The following FGGY variants were observed in gnomAD, a reference collection of about 807,000 sequenced individuals.
FGGY encodes FGGY carbohydrate kinase domain containing, also known as FGGY carbohydrate kinase domain-containing protein.
Under a neutral mutation model 71.3 loss-of-function variants are expected in FGGY, and 72 were observed. The observed-to-expected ratio is 1.01, with a 90% confidence interval of 0.84 to 1.23. The LOEUF is 1.23. Among genes scored for constraint, FGGY ranks in the 50% most tolerant of loss-of-function variants. The pLI is 0.00. For missense variants in FGGY, 668 were observed against 682.3 expected (o/e 0.98, Z 0.23); for synonymous variants, 251 against 250.3 (o/e 1.00, Z -0.02).
At chr1:59,676,491 C>G (rs528845894) in intron 14 of FGGY, among the ~76,000 whole-genome samples, 3 of 151,348 alleles carry the variant, frequency 2.0e-5, no homozygotes, top group African/African-American at 7.3e-5. Context: ...GGCTGCTATA[C>G]TAGATACATC....
chr1:59,669,540 C>CTTTTTTTTTTTT (rs58004594), intron 13 of FGGY, among the ~76,000 whole-genome samples: 248 of 102,436 alleles, frequency 2.4e-3, no homozygotes, highest in East Asian at 3.9e-3. Flanking sequence ...TTCTAGACTT[C>CTTTTTTTTTTTT]TTTTTTTTTT....
chr1:59,610,772 G>T (rs146409141), intron 9 of FGGY, among the ~76,000 whole-genome samples: 170 of 152,366 alleles, frequency 1.1e-3, no homozygotes, highest in African/African-American at 3.8e-3. Context: ...GCCAAGGAAA[G>T]CCATGACAGA....
At chr1:59,751,812 G>A (rs1359219894) in intron 14 of FGGY, among the ~76,000 whole-genome samples, 1 of 152,206 alleles carries the variant, frequency 6.6e-6, no homozygotes, top group Non-Finnish European at 1.5e-5. Context: ...TCTGAATGGT[G>A]AACTGGTGAT....
At chr1:59,462,111 T>C (rs1217576066) in intron 6 of FGGY, among the ~76,000 whole-genome samples, 2 of 151,998 alleles carry the variant, frequency 1.3e-5, no homozygotes. Context: ...TTTACAGAGA[T>C]ATAGATCAAT....
intron 8 of FGGY, among the ~76,000 whole-genome samples, chr1:59,604,622 A>C (rs185467617): frequency 6.6e-6 from 1 of 152,340 alleles, no homozygotes; most frequent in Non-Finnish European, 1.5e-5. Context: ...AGGGAGGTGA[A>C]GTGTATCCTT....
chr1:59,489,644 A>G (rs975619849), intron 6 of FGGY, among the ~76,000 whole-genome samples: 1 of 152,276 alleles, frequency 6.6e-6, no homozygotes, highest in East Asian at 1.9e-4. Flanking sequence ...GCTGATTCAT[A>G]TCTTGGCTAT....
At chr1:59,403,741 C>T (rs980230176) in intron 5 of FGGY, among the ~76,000 whole-genome samples, 2 of 152,222 alleles carry the variant, frequency 1.3e-5, no homozygotes, top group African/African-American at 2.4e-5. Flanking sequence ...AAAGTCCTCA[C>T]GTGCTTTACT....
chr1:59,697,577 G>C (rs1416409843), intron 14 of FGGY: 1 of 815,310 alleles, frequency 1.2e-6, no homozygotes, highest in Non-Finnish European at 1.8e-6. Context: ...TGTTCTCTGT[G>C]ATCTGCTGAT....
rs2095621884 is a variant in FGGY at position 59,552,419 on chromosome 1, G to A, written c.800-1705G>A. ...GTTTGGAAGAGTCTTACTTCCCCCT[G>A]TTGCTAGACCTCTGAACAATAGCAG... On this transcript the variant is annotated intron_variant, in intron 7 of 15. Coordinates refer to ENST00000303721, the MANE Select transcript of FGGY (RefSeq NM_018291.5). Among the ~76,000 whole-genome samples the A allele has an allele frequency of 4.6e-5, 7 of 152,184 alleles. 1 individual carries two copies. In the South Asian group the frequency reaches 1.4e-3, roughly 32 times the overall value.
chr1:59,509,245 C>T (rs2094463187), intron 6 of FGGY, among the ~76,000 whole-genome samples: 1 of 152,300 alleles, frequency 6.6e-6, no homozygotes, highest in Non-Finnish European at 1.5e-5. Context: ...CATGGAATCC[C>T]TTCTGTCTGC....
chr1:59,473,277 T>G (rs2093075832), intron 6 of FGGY, among the ~76,000 whole-genome samples: 2 of 151,858 alleles, frequency 1.3e-5, no homozygotes, highest in South Asian at 2.1e-4. Context: ...ACGCGCCGGC[T>G]TAAGAGCTGT....
intron 14 of FGGY, among the ~76,000 whole-genome samples, chr1:59,730,891 A>G (rs2098018947): frequency 6.6e-6 from 1 of 152,214 alleles, no homozygotes; most frequent in African/African-American, 2.4e-5. Flanking sequence ...GACAACATGC[A>G]AAGTGATTTA....
chr1:59,682,984 C>G (rs544538377), intron 14 of FGGY, among the ~76,000 whole-genome samples: 1 of 152,110 alleles, frequency 6.6e-6, no homozygotes, highest in African/African-American at 2.4e-5. Flanking sequence ...CATCCTGGGG[C>G]CAACTCCTTT....
At position 59,359,434 on chromosome 1, in the gene FGGY, C is replaced by T. The variant is rs983933882; in HGVS notation, c.465+13036C>T. ...TCCCACCACTATGCAAACTCTGACC[C>T]AGGGCCTCTTTTGTTTGTATTCCAG... On this transcript the variant is annotated intron_variant, in intron 4 of 15. Coordinates refer to ENST00000303721, the MANE Select transcript of FGGY (RefSeq NM_018291.5). Among the ~76,000 whole-genome samples the T allele has an allele frequency of 7.9e-5, 12 of 152,164 alleles. No homozygotes were observed. The East Asian group carries it at 2.3e-3, about 29-fold the overall frequency.
intron 2 of FGGY, among the ~76,000 whole-genome samples, chr1:59,323,148 C>T (rs1295564506): frequency 6.6e-6 from 1 of 152,208 alleles, no homozygotes; most frequent in Admixed American, 6.5e-5. Context: ...TAAGAATCTT[C>T]TACTCTTTGC....
intron 11 of FGGY, among the ~76,000 whole-genome samples, chr1:59,654,305 A>G (rs535491526): frequency 6.6e-6 from 1 of 152,252 alleles, no homozygotes; most frequent in South Asian, 2.1e-4. Context: ...GCTTCCTATA[A>G]ATCTTTCTCT....
rs540786046 is a variant in FGGY, at chr1:59,476,616, G to A, written c.670+19540G>A. Among the ~76,000 whole-genome samples the A allele has an allele frequency of 2.0e-5, 3 of 152,342 alleles. No homozygotes were observed. In the South Asian group the frequency reaches 6.2e-4, roughly 32 times the overall value. On this transcript the variant is annotated intron_variant, in intron 6 of 15. Transcript: ENST00000303721. ...ATTCATGAAGACCACTGACAAAAAG[G>A]CCCCAGGGCCCCAGATGAAAAACAT...
At chr1:59,300,146 A>C (rs2042541955) in intron 1 of FGGY, among the ~76,000 whole-genome samples, 1 of 152,220 alleles carries the variant, frequency 6.6e-6, no homozygotes, top group Non-Finnish European at 1.5e-5. Flanking sequence ...ACTGACATCC[A>C]GTAAACTACG....
At chr1:59,732,027 A>G (rs1289221065) in intron 14 of FGGY, among the ~76,000 whole-genome samples, 3 of 152,160 alleles carry the variant, frequency 2.0e-5, no homozygotes, top group African/African-American at 4.8e-5. Context: ...CCTCATCTGT[A>G]AAATGGAGGT....
Sources: gnomAD v4.1 joint callset for allele counts (sites outside exome capture counted in the v4.1 genomes callset) on GRCh38, gnomAD v4.1.1 for gene constraint, MANE v1.5 for transcripts, NCBI Gene and HGNC (gene_info 2026-07-23, HGNC 2026-07-21) for gene names.